CSGALNACT1: variants seen among roughly 807,000 people sequenced by gnomAD.
The protein encoded by CSGALNACT1 is chondroitin sulfate N-acetylgalactosaminyltransferase 1, also known as beta4GalNAcT-1.
CSGALNACT1 carries 52 observed loss-of-function variants against 51.0 expected under a neutral mutation model. That is an observed-to-expected ratio of 1.02 (90% CI 0.82 to 1.29). The LOEUF (loss-of-function observed/expected upper bound fraction) is 1.29, where lower values mean the gene tolerates loss of function less well. Among genes scored for constraint, CSGALNACT1 ranks in the 50% most tolerant of loss-of-function variants. The pLI, the probability that CSGALNACT1 is intolerant of heterozygous loss-of-function variation, is 0.00. For missense variants in CSGALNACT1, 935 were observed against 679.2 expected (o/e 1.38, Z -4.19); for synonymous variants, 341 against 254.4 (o/e 1.34, Z -3.24).
intron 1 of CSGALNACT1, among the ~76,000 whole-genome samples, chr8:19,690,917 A>C (rs2061275297): frequency 6.6e-6 from 1 of 152,164 alleles, no homozygotes; most frequent in Non-Finnish European, 1.5e-5. Flanking sequence ...ACCATTAATA[A>C]AGATTGCCTT....
chr8:19,427,584 C>T (rs764853752), intron 6 of CSGALNACT1, among the ~76,000 whole-genome samples: 33 of 151,994 alleles, frequency 2.2e-4, no homozygotes, highest in Non-Finnish European at 4.1e-4. Context: ...GTCAGGAGAT[C>T]GAGACCATCC....
chr8:19,427,542 A>G (rs2058959358), intron 6 of CSGALNACT1, among the ~76,000 whole-genome samples: 1 of 152,072 alleles, frequency 6.6e-6, no homozygotes, highest in Admixed American at 6.5e-5. Context: ...TAATCCCAGC[A>G]CTTTGGGAGG....
rs781026853 is a variant in CSGALNACT1 at position 19,408,602 on chromosome 8, A to AT, written c.1309+10dup. On this transcript the variant is annotated intron_variant, in intron 9 of 9. Coordinates refer to ENST00000454498, the Ensembl canonical transcript of CSGALNACT1. The stretch of plus-strand genomic sequence containing the variant: ...CCTCTGGGTGGCAGTAGAGATGCAG[A>AT]TTTGTCCTACCTATATTGATGAAGT... 39 of 1,609,136 alleles carry AT rather than the reference A, an allele frequency of 2.4e-5. No individual in the cohort carries two copies. In the African/African-American group the frequency reaches 5.2e-4, roughly 21 times the overall value.
chr8:19,697,530 GC>G, intron 1 of CSGALNACT1, among the ~76,000 whole-genome samples: 1 of 152,254 alleles, frequency 6.6e-6, no homozygotes, highest in East Asian at 1.9e-4. Context: ...GCCGGGCAGA[GC>G]TAAAACAGAA....
intron 6 of CSGALNACT1, among the ~76,000 whole-genome samples, chr8:19,434,014 T>C (rs947723584): frequency 1.3e-5 from 2 of 152,178 alleles, no homozygotes; most frequent in African/African-American, 2.4e-5. Flanking sequence ...GGGATGGGAA[T>C]AGAGCAAGTT....
intron 1 of CSGALNACT1, among the ~76,000 whole-genome samples, chr8:19,640,688 T>C (rs550556725): frequency 6.4e-4 from 98 of 152,314 alleles, no homozygotes; most frequent in African/African-American, 2.3e-3. Context: ...TCTAACAACT[T>C]TGCTTCAGAA....
intron 1 of CSGALNACT1, among the ~76,000 whole-genome samples, chr8:19,692,151 G>A (rs1374057963): frequency 2.0e-5 from 3 of 152,144 alleles, no homozygotes; most frequent in Admixed American, 2.0e-4. Context: ...CCGCCCCCAT[G>A]ATCCAATCAC....
At chr8:19,721,839 C>G (rs1354676928) in intron 1 of CSGALNACT1, among the ~76,000 whole-genome samples, 1 of 152,128 alleles carries the variant, frequency 6.6e-6, no homozygotes, top group East Asian at 1.9e-4. Context: ...GTCAATACTT[C>G]TATGGATCAT....
chr8:19,623,643 C>G (rs1489739368), intron 1 of CSGALNACT1, among the ~76,000 whole-genome samples: 1 of 152,204 alleles, frequency 6.6e-6, no homozygotes, highest in Non-Finnish European at 1.5e-5. Flanking sequence ...AGAGTAGGTT[C>G]ACAGACCTCA....
In CSGALNACT1 at chr8:19,497,849, G is replaced by C. The variant is rs111239993; in HGVS notation, c.634+7352C>G. 5.1e-3 allele frequency among the ~76,000 whole-genome samples: 774 copies of C among 152,246 alleles called. 4 individuals are homozygous for C. The highest frequency in any genetic ancestry group is 0.018 in the African/African-American group (731 of 41,534). On this transcript the variant is annotated intron_variant, in intron 4 of 9. Transcript: ENST00000454498. ...CATATCTGATTGCCTACTTTGGAGA[G>C]GCTAATCAGAAACTCAAAAGAATAC...
chr8:19,737,664 TA>T (rs903274255), intron 1 of CSGALNACT1, among the ~76,000 whole-genome samples: 6 of 151,632 alleles, frequency 4.0e-5, no homozygotes, highest in Non-Finnish European at 7.4e-5. Flanking sequence ...ATAAAAGAAG[TA>T]GAATAAATAA....
At chr8:19,664,873 T>C (rs1027421864) in intron 1 of CSGALNACT1, among the ~76,000 whole-genome samples, 10 of 152,086 alleles carry the variant, frequency 6.6e-5, no homozygotes, top group Admixed American at 2.0e-4. Context: ...ACAATAGACA[T>C]TGGAGATTAC....
chr8:19,405,989 C>T (rs372768675), exon 10 of CSGALNACT1: 3 of 1,614,104 alleles, frequency 1.9e-6, no homozygotes, highest in African/African-American at 2.7e-5. Context: ...GTCCGTACCA[C>T]TATGAGGTTG....
intron 1 of CSGALNACT1, among the ~76,000 whole-genome samples, chr8:19,649,000 A>T (rs925701362): frequency 2.0e-5 from 3 of 152,216 alleles, no homozygotes; most frequent in African/African-American, 7.2e-5. Flanking sequence ...AATATATAAT[A>T]GTACTCTACT....
At chr8:19,469,740 C>G (rs1213210243) in intron 4 of CSGALNACT1, among the ~76,000 whole-genome samples, 1 of 152,218 alleles carries the variant, frequency 6.6e-6, no homozygotes, top group African/African-American at 2.4e-5. Context: ...AAGCCCCCCA[C>G]CATCCCACAG....
intron 3 of CSGALNACT1, among the ~76,000 whole-genome samples, chr8:19,535,117 C>A (rs1374800802): frequency 6.6e-6 from 1 of 152,080 alleles, no homozygotes; most frequent in East Asian, 1.9e-4. Flanking sequence ...GAAATAGGTT[C>A]CTAACACATT....
chr8:19,656,594 C>A (rs529324794), intron 1 of CSGALNACT1, among the ~76,000 whole-genome samples: 6 of 103,796 alleles, frequency 5.8e-5, no homozygotes, highest in African/African-American at 1.0e-4. Flanking sequence ...AAACTACGCC[C>A]CCCCCCCACA....
intron 1 of CSGALNACT1, among the ~76,000 whole-genome samples, chr8:19,618,790 C>T (rs2053429202): frequency 6.6e-6 from 1 of 152,160 alleles, no homozygotes; most frequent in Non-Finnish European, 1.5e-5. Context: ...CTAGCACTTT[C>T]TCCAGGCACA....
intron 6 of CSGALNACT1, among the ~76,000 whole-genome samples, chr8:19,423,362 C>T (rs2058255566): frequency 6.6e-6 from 1 of 152,200 alleles, no homozygotes; most frequent in Non-Finnish European, 1.5e-5. Context: ...GACGAGTCTA[C>T]AAGTGATTGA....
Sources: gnomAD v4.1 joint callset for allele counts (sites outside exome capture counted in the v4.1 genomes callset) on GRCh38, gnomAD v4.1.1 for gene constraint, MANE v1.5 for transcripts, NCBI Gene and HGNC (gene_info 2026-07-23, HGNC 2026-07-21) for gene names.